PTPRN2: variants seen among roughly 807,000 people sequenced by gnomAD.
PTPRN2 encodes protein tyrosine phosphatase receptor type N2, also known as receptor-type tyrosine-protein phosphatase N2.
Under a neutral mutation model 118.8 loss-of-function variants are expected in PTPRN2, and 74 were observed. The observed-to-expected ratio is 0.62, with a 90% CI of 0.52 to 0.76. The LOEUF (loss-of-function observed/expected upper bound fraction) is 0.76, where lower values mean the gene tolerates loss of function less well. Ranked by LOEUF, PTPRN2 falls within the 30% of genes least tolerant of loss-of-function variation. The pLI, the probability that PTPRN2 is intolerant of heterozygous loss-of-function variation, is 0.00. For missense variants in PTPRN2, 1,481 were observed against 1,394.4 expected, an observed-to-expected ratio of 1.06 and a Z score of -0.99; for synonymous variants, 641 against 608.0, an observed-to-expected ratio of 1.05 and a Z score of -0.80.
At chr7:158,049,682 C>T (rs1025436037) in intron 11 of PTPRN2, among the ~76,000 whole-genome samples, 9 of 152,166 alleles carry the variant, frequency 5.9e-5, no homozygotes, top group African/African-American at 1.7e-4. Flanking sequence ...GGGTGGATCA[C>T]CTGAGGTCAG....
chr7:158,536,691 G>C (rs745518593), intron 1 of PTPRN2, among the ~76,000 whole-genome samples: 1 of 150,938 alleles, frequency 6.6e-6, no homozygotes, highest in Non-Finnish European at 1.5e-5. Context: ...AAGACACAAG[G>C]GCCTTCCCAG....
chr7:158,563,384 G>T lies in PTPRN2; in HGVS notation c.112+24174C>A, dbSNP rs1384476141. ...AGTGAGAACAAAAGCATCACAAAAT[G>T]CAAGTCTTATTACTGCAGCAGTTTG... On this transcript the variant is annotated intron_variant, in intron 1 of 22. Transcript: ENST00000389418. This position sits in a 1 kb window ranked among gnomAD's most constrained non-coding sequence, Gnocchi z 5.1. Among the ~76,000 whole-genome samples the T allele has an allele frequency of 6.6e-6, 1 of 152,228 alleles. No homozygotes were observed. Among genetic ancestry groups the T allele is most frequent in the Non-Finnish European group, 1.5e-5 (1 of 68,048 alleles).
chr7:157,920,624 CACAA>C (rs757218378), intron 11 of PTPRN2, among the ~76,000 whole-genome samples: 15 of 152,216 alleles, frequency 9.9e-5, no homozygotes, highest in Non-Finnish European at 2.1e-4. Flanking sequence ...GAGTCAGCCG[CACAA>C]ACAGAGCTGC....
rs559020444 is a variant in PTPRN2 at position 157,890,800 on chromosome 7, T to C, written c.1788+7873A>G. Among the ~76,000 whole-genome samples the C allele has an allele frequency of 9.3e-4, 142 of 152,292 alleles. 1 individual carries two copies. The highest frequency in any genetic ancestry group is 1.6e-3 in the Non-Finnish European group (112 of 68,014). ...TTTTGGCTGGAGAGCCCTTTGCAAG[T>C]GGTCTGCTTGCCAGCTCTCCACCTC... On this transcript the variant is annotated intron_variant, in intron 12 of 22. Coordinates refer to ENST00000389418, the MANE Select transcript of PTPRN2 (RefSeq NM_002847.5).
chr7:158,365,397 T>TC (rs1207950143), intron 2 of PTPRN2, among the ~76,000 whole-genome samples: 3 of 152,072 alleles, frequency 2.0e-5, no homozygotes, highest in African/African-American at 7.2e-5. Flanking sequence ...ACCCCTCCCT[T>TC]CCCCTTCTCT....
At chr7:158,545,754 T>G (rs1826240514) in intron 1 of PTPRN2, among the ~76,000 whole-genome samples, 1 of 152,108 alleles carries the variant, frequency 6.6e-6, no homozygotes, top group Non-Finnish European at 1.5e-5. Context: ...ATCCCAGCAT[T>G]TTGGGAGACT....
chr7:158,586,932 C>CG (rs1276214997), intron 1 of PTPRN2, among the ~76,000 whole-genome samples: 1 of 152,078 alleles, frequency 6.6e-6, no homozygotes, highest in Non-Finnish European at 1.5e-5. Context: ...GCCCAGGAGC[C>CG]GGGGTAGAGG....
In PTPRN2 at chr7:157,576,798, G is replaced by C. The variant is rs76994493; in HGVS notation, c.2617-19C>G. 1 of 1,582,028 alleles carries C rather than the reference G, an allele frequency of 6.3e-7. No homozygotes were observed. Among genetic ancestry groups the C allele is most frequent in the South Asian group, 1.1e-5 (1 of 87,046 alleles). ...GGTTCACCTGGCAGGGAGGAGCGGA[G>C]GGAGGGGACAGAGACAGGTGTGGAC... On this transcript the variant is annotated intron_variant, in intron 18 of 22. Transcript: ENST00000389418.
intron 11 of PTPRN2, among the ~76,000 whole-genome samples, chr7:158,006,458 C>A (rs1805638714): frequency 6.6e-6 from 1 of 152,182 alleles, no homozygotes; most frequent in African/African-American, 2.4e-5. Flanking sequence ...CCATCCTGAG[C>A]CTCACAAGCT....
At chr7:158,446,570 G>A (rs1027770467) in intron 2 of PTPRN2, among the ~76,000 whole-genome samples, 2 of 152,104 alleles carry the variant, frequency 1.3e-5, no homozygotes. Context: ...CGCCCCCGGC[G>A]GGCAGACCCC....
At chr7:157,775,577 G>A (rs184509333) in intron 12 of PTPRN2, among the ~76,000 whole-genome samples, 11 of 152,176 alleles carry the variant, frequency 7.2e-5, no homozygotes, top group Non-Finnish European at 5.9e-5. Flanking sequence ...CGCTGGGAAG[G>A]CTTCGTCCTC....
chr7:157,694,286 A>G (rs1797663468), intron 12 of PTPRN2, among the ~76,000 whole-genome samples: 1 of 152,184 alleles, frequency 6.6e-6, no homozygotes, highest in South Asian at 2.1e-4. Context: ...AGAGGGCCTG[A>G]AAGGTTCCAT....
At chr7:158,040,413 CACAAACACACT>C (rs995364517) in intron 11 of PTPRN2, among the ~76,000 whole-genome samples, 1 of 150,400 alleles carries the variant, frequency 6.6e-6, no homozygotes, top group Non-Finnish European at 1.5e-5. Flanking sequence ...CACACACACA[CACAAACACACT>C]GCACATGCAC....
chr7:158,321,838 C>G (rs1230280818), intron 2 of PTPRN2, among the ~76,000 whole-genome samples: 1 of 152,216 alleles, frequency 6.6e-6, no homozygotes, highest in Non-Finnish European at 1.5e-5. Flanking sequence ...TGCACAGCTG[C>G]TAACTCATAC....
intron 2 of PTPRN2, among the ~76,000 whole-genome samples, chr7:158,339,666 A>G (rs1408852609): frequency 2.3e-5 from 1 of 42,554 alleles, no homozygotes; most frequent in Non-Finnish European, 4.5e-5. Flanking sequence ...AAGAAGTGAC[A>G]CCTGCAGACA....
At chr7:157,666,639 G>C (rs935465460) in intron 13 of PTPRN2, among the ~76,000 whole-genome samples, 6 of 152,222 alleles carry the variant, frequency 3.9e-5, no homozygotes, top group African/African-American at 1.4e-4. Flanking sequence ...CAGATCACCC[G>C]GGGCTGTGTG....
intron 12 of PTPRN2, among the ~76,000 whole-genome samples, chr7:157,744,412 C>T (rs954360445): frequency 2.0e-5 from 3 of 152,306 alleles, no homozygotes; most frequent in Non-Finnish European, 4.4e-5. Context: ...CCAAGCCTCC[C>T]ATCCCAGCAT....
chr7:158,058,428 G>A (rs1484765582), intron 11 of PTPRN2, among the ~76,000 whole-genome samples: 2 of 122,848 alleles, frequency 1.6e-5, no homozygotes, highest in Non-Finnish European at 3.3e-5. Context: ...CACTCCATCT[G>A]CCCACGGTGA....
At chr7:158,278,289 A>T (rs1799167995) in intron 3 of PTPRN2, among the ~76,000 whole-genome samples, 1 of 152,078 alleles carries the variant, frequency 6.6e-6, no homozygotes, top group African/African-American at 2.4e-5. Context: ...GGAGGAAACA[A>T]GGTCAAATCC....
Sources: allele counts gnomAD v4.1 joint callset (sites outside exome capture counted in the v4.1 genomes callset), GRCh38; gene constraint gnomAD v4.1.1; non-coding constraint Gnocchi (gnomAD v3.1); transcripts MANE v1.5; gene names NCBI Gene and HGNC (gene_info 2026-07-23, HGNC 2026-07-21).